The following KCNH7 variants were observed in gnomAD, a reference collection of about 807,000 sequenced individuals.
KCNH7 encodes the protein potassium voltage-gated channel subfamily H member 7.
In KCNH7, 49 loss-of-function variants were observed where a neutral mutation model predicts 120.8. The ratio of observed to expected loss-of-function variants is 0.41; its 90% confidence interval spans 0.32 to 0.51. The LOEUF (loss-of-function observed/expected upper bound fraction) is 0.51, where lower values mean the gene tolerates loss of function less well. Ranked by LOEUF, KCNH7 falls within the 20% of genes least tolerant of loss-of-function variation. The pLI, the probability that KCNH7 is intolerant of heterozygous loss-of-function variation, is 0.38. For synonymous variants in KCNH7, 547 were observed against 516.1 expected (o/e 1.06, Z -0.81); for missense variants, 1,097 against 1,446.6 (o/e 0.76, Z 3.92).
intron 2 of KCNH7, among the ~76,000 whole-genome samples, chr2:162,708,955 GCTCTT>G (rs1686819213): frequency 6.6e-6 from 1 of 152,034 alleles, no homozygotes; most frequent in Non-Finnish European, 1.5e-5. Context: ...ATAGATGATT[GCTCTT>G]ATCTTGTTAG....
chr2:162,643,795 ACT>A (rs1684249390), intron 2 of KCNH7, among the ~76,000 whole-genome samples: 1 of 137,606 alleles, frequency 7.3e-6, no homozygotes, highest in East Asian at 2.1e-4. Context: ...ACAGAGCAAG[ACT>A]CTATCTCAAA....
intron 6 of KCNH7, among the ~76,000 whole-genome samples, chr2:162,496,527 T>C (rs1190999267): frequency 3.3e-5 from 5 of 152,106 alleles, no homozygotes; most frequent in Admixed American, 3.3e-4. Context: ...GGAACCCGCT[T>C]TCAGAGCCCC....
intron 2 of KCNH7, among the ~76,000 whole-genome samples, chr2:162,657,369 G>GT (rs1041624893): frequency 9.9e-5 from 15 of 151,994 alleles, no homozygotes; most frequent in African/African-American, 3.6e-4. Flanking sequence ...TTTCTTCATG[G>GT]TTTTTCCTTT....
intron 6 of KCNH7, among the ~76,000 whole-genome samples, chr2:162,467,429 T>G (rs1689346201): frequency 6.6e-6 from 1 of 152,120 alleles, no homozygotes; most frequent in African/African-American, 2.4e-5. Context: ...GAGTTATCGC[T>G]TTATTAGTTC....
chr2:162,519,114 G>A lies in KCNH7; in HGVS notation c.464-956C>T, dbSNP rs542468994. Among the ~76,000 whole-genome samples, 3 of 151,876 alleles carry A rather than the reference G, an allele frequency of 2.0e-5. No homozygotes were observed. In the East Asian group the frequency reaches 5.9e-4, roughly 30 times the overall value. On this transcript the variant is annotated intron_variant, in intron 3 of 15. Coordinates refer to ENST00000332142, the MANE Select transcript of KCNH7 (RefSeq NM_033272.4). ...GGCAAAGAATGCTGGGGAGCATTCT[G>A]ACATTTTGGCGGTGGGATTGCAGAT... is the stretch of plus-strand genomic sequence containing the variant.
intron 2 of KCNH7, among the ~76,000 whole-genome samples, chr2:162,614,968 T>C (rs887498774): frequency 1.3e-5 from 2 of 152,110 alleles, no homozygotes; most frequent in Non-Finnish European, 2.9e-5. Context: ...TCATAAAGTA[T>C]TTCATAAATT....
chr2:162,441,044 C>T (rs1460141950), intron 7 of KCNH7, among the ~76,000 whole-genome samples: 2 of 152,014 alleles, frequency 1.3e-5, no homozygotes, highest in Admixed American at 1.3e-4. Flanking sequence ...AATAATTTTT[C>T]CACTGGGGAT....
intron 2 of KCNH7, among the ~76,000 whole-genome samples, chr2:162,745,773 A>G (rs1213367266): frequency 6.6e-6 from 1 of 152,094 alleles, no homozygotes; most frequent in Non-Finnish European, 1.5e-5. Flanking sequence ...TATTCTAAGC[A>G]TGTATTAGAT....
intron 2 of KCNH7, among the ~76,000 whole-genome samples, chr2:162,711,254 G>A (rs544099363): frequency 1.6e-4 from 25 of 152,268 alleles, no homozygotes; most frequent in South Asian, 4.1e-4. Context: ...GTTATCATCC[G>A]GCCTTTGTAT....
chr2:162,819,060 A>G (rs1685012002), intron 2 of KCNH7, among the ~76,000 whole-genome samples: 1 of 152,204 alleles, frequency 6.6e-6, no homozygotes, highest in Non-Finnish European at 1.5e-5. Flanking sequence ...ATGAAAGACA[A>G]GAAGAGCTGC....
At chr2:162,479,267 C>T (rs148146349) in intron 6 of KCNH7, among the ~76,000 whole-genome samples, 372 of 149,376 alleles carry the variant, frequency 2.5e-3, no homozygotes, top group African/African-American at 9.0e-3. Context: ...AAAAATAATG[C>T]TAATTATTTA....
At chr2:162,677,961 T>A (rs571800813) in intron 2 of KCNH7, among the ~76,000 whole-genome samples, 5 of 151,618 alleles carry the variant, frequency 3.3e-5, no homozygotes, top group Admixed American at 1.3e-4. Flanking sequence ...TTCCTGCTCA[T>A]TTTTTTCTAT....
chr2:162,627,975 A>T (rs1328186690), intron 2 of KCNH7, among the ~76,000 whole-genome samples: 1 of 152,188 alleles, frequency 6.6e-6, no homozygotes, highest in African/African-American at 2.4e-5. Flanking sequence ...AAAACATAAA[A>T]TTGAATAAAA....
intron 2 of KCNH7, among the ~76,000 whole-genome samples, chr2:162,555,263 T>TC (rs1398949434): frequency 6.6e-6 from 1 of 152,124 alleles, no homozygotes; most frequent in East Asian, 1.9e-4. Flanking sequence ...GTCCTTCCTC[T>TC]CCCCCATCAA....
intron 11 of KCNH7, 134 bp from the exon 12 acceptor site, chr2:162,394,619 CTAAAA>C (rs1686850678): frequency 1.7e-6 from 1 of 601,986 alleles, no homozygotes; most frequent in Admixed American, 3.3e-5. Context: ...AGGCAAACAG[CTAAAA>C]TACCTTGCTT....
intron 14 of KCNH7, among the ~76,000 whole-genome samples, chr2:162,374,215 A>T (rs1198250698): frequency 6.6e-6 from 1 of 152,164 alleles, no homozygotes; most frequent in African/African-American, 2.4e-5. Flanking sequence ...TAAATGTTAA[A>T]TTCTTTTTCC....
intron 6 of KCNH7, among the ~76,000 whole-genome samples, chr2:162,473,078 G>C (rs2105652897): frequency 6.6e-6 from 1 of 152,168 alleles, no homozygotes; most frequent in South Asian, 2.1e-4. Context: ...TTGTGGGGTA[G>C]GGGGAGAGGG....
intron 2 of KCNH7, among the ~76,000 whole-genome samples, chr2:162,746,511 A>G (rs1402983079): frequency 6.6e-6 from 1 of 152,128 alleles, no homozygotes; most frequent in African/African-American, 2.4e-5. Flanking sequence ...CTCAAACTCA[A>G]AACTCATCTC....
At chr2:162,375,589 G>A (rs1686136578) in intron 14 of KCNH7, among the ~76,000 whole-genome samples, 1 of 152,106 alleles carries the variant, frequency 6.6e-6, no homozygotes, top group Non-Finnish European at 1.5e-5. Context: ...TATGCATAGG[G>A]TTGTATTTCA....
Sources: allele counts gnomAD v4.1 joint callset (sites outside exome capture counted in the v4.1 genomes callset), GRCh38; gene constraint gnomAD v4.1.1; transcripts MANE v1.5; gene names NCBI Gene and HGNC (gene_info 2026-07-23, HGNC 2026-07-21).